The following CDH17 variants were observed in gnomAD, a reference collection of about 807,000 sequenced individuals.
The protein encoded by CDH17 is cadherin-17.
Under a neutral mutation model 86.3 loss-of-function variants are expected in CDH17, and 67 were observed. The ratio of observed to expected loss-of-function variants is 0.78; its 90% CI spans 0.64 to 0.95. CDH17 has a LOEUF of 0.95. Among genes scored for constraint, CDH17 ranks in the 40% least tolerant of loss-of-function variants. The pLI is 0.00. For synonymous variants in CDH17, 367 were observed against 366.4 expected, an observed-to-expected ratio of 1.00 and a Z score of -0.02; for missense variants, 993 against 1,017.6, an observed-to-expected ratio of 0.98 and a Z score of 0.33.
In CDH17 at chr8:94,130,684, A is replaced by G. The variant is rs772002795; in HGVS notation, c.2340T>C (p.Thr780=). 1 of 1,614,060 alleles carries G rather than the reference A, an allele frequency of 6.2e-7. No individual in the cohort carries two copies. The change falls in exon 17 of 18, where the codon ACT becomes ACC. Residue 780 remains threonine (T), a synonymous_variant. Coordinates refer to ENST00000027335, the MANE Select transcript of CDH17 (RefSeq NM_004063.4). ...GSCFRPAGHQ[T]GIPTVGMAVG... is the part of the protein sequence containing the mutation. ...CTGCCATGCCCACAGTGGGTATCCC[A>G]GTCTGGTGACCTGCTGGCCGGAAAC...
intron 14 of CDH17, 83 bp downstream of exon 14, chr8:94,148,661 C>G: frequency 9.3e-7 from 1 of 1,070,908 alleles, no homozygotes; most frequent in Admixed American, 4.2e-5. Flanking sequence ...TGTCAGTTTT[C>G]TTATCCTCCC....
intron 1 of CDH17, chr8:94,197,412 G>A (rs1454107431): frequency 6.6e-6 from 1 of 152,138 alleles, no homozygotes; most frequent in African/African-American, 2.4e-5. Context: ...GGTAGGCTTG[G>A]AGTCAGAAAG....
intron 3 of CDH17, among the ~76,000 whole-genome samples, chr8:94,182,661 T>C (rs1003281364): frequency 6.6e-6 from 1 of 152,134 alleles, no homozygotes; most frequent in Non-Finnish European, 1.5e-5. Context: ...AACATTGTAC[T>C]TAATGGTGAA....
rs1048517262 is a variant in CDH17, at chr8:94,128,187, G to A, written c.*53C>T. The A allele has an allele frequency of 8.1e-5, 88 of 1,088,238 alleles. No homozygotes were observed. The highest frequency in any genetic ancestry group is 2.0e-4 in the Middle Eastern group (1 of 4,980). 67.4% of individuals were successfully genotyped at this position (1,088,238 alleles called of 1,614,324 possible). ...TAGATGAAAAGTAATAGGATGAGAT[G>A]GTTGTTGCTGAAATAGCACTTGCTA... On this transcript the variant is annotated 3_prime_UTR_variant, in exon 18 of 18. Transcript: ENST00000027335.
chr8:94,169,349 G>GCACAGAACACAGTGA (rs1345529910), intron 9 of CDH17, among the ~76,000 whole-genome samples: 1 of 152,114 alleles, frequency 6.6e-6, no homozygotes, highest in Non-Finnish European at 1.5e-5. Flanking sequence ...GAGAGGACCT[G>GCACAGAACACAGTGA]CACAGAACAC....
At chr8:94,140,481 C>T (rs1423382937) in intron 15 of CDH17, among the ~76,000 whole-genome samples, 1 of 151,902 alleles carries the variant, frequency 6.6e-6, no homozygotes. Flanking sequence ...GCTCTAAATG[C>T]CTGTTTAACA....
Position 94,142,623 on chromosome 8 carries a change from T to G in CDH17, c.2167+3305A>C, listed in dbSNP as rs78834016. On this transcript the variant is annotated intron_variant, in intron 15 of 17. Transcript: ENST00000027335. ...AGACAACATCTCTCAAAAATTGGAGTAAGTCTTCTCAAACACTGCCACTGT... is the reference window on the plus strand; with the variant it reads ...AGACAACATCTCTCAAAAATTGGAGGAAGTCTTCTCAAACACTGCCACTGT... 1.4e-4 allele frequency among the ~76,000 whole-genome samples: 21 copies of G among 150,780 alleles called. No homozygotes were observed. The East Asian group carries it at 4.0e-3, about 29-fold the overall frequency.
At position 94,174,134 on chromosome 8, in the gene CDH17, T is replaced by C. The variant is rs1341052864; in HGVS notation, c.551A>G (p.Asn184Ser). Residue 184 changes from asparagine (N) to serine (S), a missense_variant, in exon 6 of 18, where the codon AAC (asparagine) becomes AGC (serine). By Grantham distance (46) the Asn-to-Ser change is conservative. Transcript: ENST00000027335. ...INNVMYFQINNKTGAISLTRE... is the reference protein window; with the variant it reads ...INNVMYFQINSKTGAISLTRE... ...GGTAAGAGAGATGGCTCCCGTTTTG[T>C]TGTTGATCTGAAAGTACATGACATT... 1.2e-6 allele frequency: 2 copies of C among 1,613,770 alleles called. No homozygotes were observed. The highest frequency in any genetic ancestry group is 1.7e-6 in the Non-Finnish European group (2 of 1,179,804).
intron 15 of CDH17, 140 bp from the exon 16 acceptor site, chr8:94,131,132 C>G (rs2130564687): frequency 1.6e-6 from 1 of 620,996 alleles, no homozygotes; most frequent in Non-Finnish European, 2.9e-6. Flanking sequence ...TCATCCACAT[C>G]ATTCCACATG....
chr8:94,198,952 A>G (rs1327795698), intron 1 of CDH17, among the ~76,000 whole-genome samples: 1 of 150,570 alleles, frequency 6.6e-6, no homozygotes. Flanking sequence ...TTCTATCTTC[A>G]TGGAGCTAGG....
At chr8:94,200,767 C>A (rs1813895999) in intron 1 of CDH17, among the ~76,000 whole-genome samples, 1 of 151,654 alleles carries the variant, frequency 6.6e-6, no homozygotes, top group Non-Finnish European at 1.5e-5. Context: ...ACATGGGAAT[C>A]CCGCCGCGGC....
In CDH17 at chr8:94,214,180, A is replaced by T. The variant is rs968534296; in HGVS notation, c.-21+3018T>A. On this transcript the variant is annotated intron_variant, in intron 1 of 17. Coordinates refer to the CDH17 transcript ENST00000450165. ...TCCTAGAACACTACCCCTTCATGTT[A>T]GCCCTGGTGGTCATCACCACTTAGC... 2.0e-5 allele frequency among the ~76,000 whole-genome samples: 3 copies of T among 152,258 alleles called. No individual in the cohort carries two copies. The East Asian group carries it at 5.8e-4, about 29-fold the overall frequency.
At chr8:94,211,446 G>A (rs186524001), upstream of CDH17, among the ~76,000 whole-genome samples, 2,291 of 152,192 alleles carry the variant, frequency 0.015, 32 homozygotes, top group Middle Eastern at 0.051. Context: ...CATGTAGCTG[G>A]GATTACAGGT....
chr8:94,138,146 C>T (rs919590258), intron 15 of CDH17, among the ~76,000 whole-genome samples: 5 of 152,012 alleles, frequency 3.3e-5, no homozygotes, highest in African/African-American at 9.7e-5. Flanking sequence ...GATTTTGCTA[C>T]AATTCACACT....
rs751417618 is a variant in CDH17, at chr8:94,152,028, T to C, written c.1636A>G (p.Asn546Asp). The C allele has an allele frequency of 6.2e-6, 10 of 1,614,072 alleles. 1 individual carries two copies. The South Asian group carries it at 6.6e-5, about 11-fold the overall frequency. The change falls in exon 13 of 18, where the codon AAT (asparagine) becomes GAT (aspartate). Residue 546 changes from asparagine to aspartate, a missense_variant. By Grantham distance (23) the Asn-to-Asp change is conservative. Coordinates refer to ENST00000027335, the MANE Select transcript of CDH17 (RefSeq NM_004063.4). ...GTGAACTTGGCAAAAGAACTTGCAT[T>C]GTACTTCACACCAAACACTAGAGGC... is the stretch of plus-strand genomic sequence containing the variant. ...PEPLVFGVKY[N>D]ASSFAKFTLI...
intron 15 of CDH17, among the ~76,000 whole-genome samples, chr8:94,137,710 AC>A (rs200030404): frequency 2.0e-5 from 3 of 149,970 alleles, no homozygotes; most frequent in African/African-American, 4.9e-5. Context: ...GTAAAAAAAA[AC>A]CTAACTAACT....
Position 94,173,896 on chromosome 8 carries a change from T to C in CDH17, c.684A>G (p.Thr228=). 6.2e-7 allele frequency: 1 copy of C among 1,612,524 alleles called. No homozygotes were observed. Among genetic ancestry groups the C allele is most frequent in the East Asian group, 2.2e-5 (1 of 44,864 alleles). Residue 228 remains threonine, a synonymous_variant, in exon 7 of 18, where the codon ACA becomes ACG. Transcript: ENST00000027335. Reference sequence around the variant, plus strand: ...TCTCTGTCACTATGATATCCACAGATGTGGTATCACTGAAGGAATTCTCAC... The same window carrying C: ...TCTCTGTCACTATGATATCCACAGACGTGGTATCACTGAAGGAATTCTCAC... ...GQSENSFSDT[T]SVDIIVTENI... is the part of the protein sequence containing the mutation.
Position 94,177,734 on chromosome 8 carries a change from C to CA in CDH17, c.151-14dup. The CA allele has an allele frequency of 1.9e-6, 3 of 1,603,776 alleles. No individual in the cohort carries two copies. Among genetic ancestry groups the CA allele is most frequent in the Non-Finnish European group, 2.5e-6 (3 of 1,176,650 alleles). ...GATTGGCCTTAAACTGGGGAAAAAG[C>CA]AAAAAACAGATTAAGTTGTAAGGGA... On this transcript the variant is annotated splice_polypyrimidine_tract_variant and intron_variant, in intron 3 of 17. Transcript: ENST00000027335.
chr8:94,162,221 G>A (rs1436359187), intron 10 of CDH17, 59 bp from the exon 11 acceptor site: 2 of 1,100,702 alleles, frequency 1.8e-6, no homozygotes, highest in Non-Finnish European at 2.8e-6. Flanking sequence ...ATTAATATCA[G>A]AAATCTGCAA....
Sources: allele counts gnomAD v4.1 joint callset (sites outside exome capture counted in the v4.1 genomes callset), GRCh38; gene constraint gnomAD v4.1.1; transcripts MANE v1.5; gene names NCBI Gene and HGNC (gene_info 2026-07-23, HGNC 2026-07-21).